PIP4K2B: variants seen among roughly 807,000 people sequenced by gnomAD.
PIP4K2B encodes the protein phosphatidylinositol-5-phosphate 4-kinase type 2 beta.
Under a neutral mutation model 42.0 loss-of-function variants are expected in PIP4K2B, and 3 were observed. The observed-to-expected ratio is 0.07, with a 90% confidence interval of 0.03 to 0.18. The LOEUF is 0.18. PIP4K2B is among the 10% of genes least tolerant of loss of function. The pLI is 1.00. For missense variants in PIP4K2B, 332 were observed against 562.3 expected (o/e 0.59, Z 4.14); for synonymous variants, 204 against 210.1 (o/e 0.97, Z 0.25).
At chr17:38,783,984 G>A (rs570110376) in intron 3 of PIP4K2B, among the ~76,000 whole-genome samples, 1 of 152,150 alleles carries the variant, frequency 6.6e-6, no homozygotes, top group Admixed American at 6.5e-5. Flanking sequence ...AGGTGCTTCC[G>A]CAGACCCCTC....
intron 7 of PIP4K2B, 102 bp from the exon 8 acceptor site, chr17:38,771,374 C>A (rs1054618450): frequency 7.4e-7 from 1 of 1,348,684 alleles, no homozygotes; most frequent in South Asian, 1.3e-5. Context: ...CAACTCAATT[C>A]TACAAACAGT....
chr17:38,792,666 C>A (rs1305689897), intron 1 of PIP4K2B: 1 of 152,186 alleles, frequency 6.6e-6, no homozygotes, highest in Non-Finnish European at 1.5e-5. Context: ...CTGGCCACCA[C>A]CAGCAATCAC....
chr17:38,774,709 G>A (rs1567653720), intron 7 of PIP4K2B, among the ~76,000 whole-genome samples: 1 of 151,900 alleles, frequency 6.6e-6, no homozygotes, highest in Non-Finnish European at 1.5e-5. Flanking sequence ...GGCGGAGCTT[G>A]CAGTGAGCCA....
intron 3 of PIP4K2B, among the ~76,000 whole-genome samples, chr17:38,783,127 A>G (rs1163833722): frequency 1.4e-5 from 2 of 144,050 alleles, no homozygotes; most frequent in African/African-American, 5.1e-5. Context: ...CCTGGGAGGC[A>G]GAGGTTGCAG....
chr17:38,797,827 C>A (rs770588007), intron 1 of PIP4K2B, among the ~76,000 whole-genome samples: 11 of 152,158 alleles, frequency 7.2e-5, no homozygotes, highest in Non-Finnish European at 1.5e-4. Flanking sequence ...ACCCCTGGGA[C>A]AGCAGGAAGA....
In PIP4K2B at chr17:38,799,267, G is replaced by A; in HGVS notation, c.158C>T (p.Thr53Met). The stretch of plus-strand genomic sequence containing the variant: ...GAGGGGCGCGCAGGAGCTGGTTACC[G>A]TGTGGTTCACCCCCCACATCAGGAC... ...LSVLMWGVNH[T>M]INELSNVPVP... is the part of the protein sequence containing the mutation. Residue 53 changes from threonine to methionine, a missense_variant and splice_region_variant, in exon 1 of 10, where the codon ACG (threonine) becomes ATG (methionine). Physicochemically the swap from Thr to Met is moderately conservative, Grantham distance 81. This residue lies in a region of PIP4K2B where 186 missense variants were observed against 288.4 expected (regional missense o/e 0.64). Transcript: ENST00000619039. The surrounding 1 kb of genome is among the most constrained non-coding windows in gnomAD (Gnocchi z 4.4). The A allele has an allele frequency of 6.3e-7, 1 of 1,596,104 alleles. No homozygotes were observed. Among genetic ancestry groups the A allele is most frequent in the Non-Finnish European group, 8.5e-7 (1 of 1,173,086 alleles).
intron 1 of PIP4K2B, among the ~76,000 whole-genome samples, chr17:38,795,561 G>A (rs1262531350): frequency 6.6e-6 from 1 of 152,044 alleles, no homozygotes; most frequent in East Asian, 1.9e-4. Flanking sequence ...GATCAGCCTG[G>A]ACAACATGGT....
chr17:38,796,807 A>G (rs766178461), intron 1 of PIP4K2B, among the ~76,000 whole-genome samples: 11 of 152,228 alleles, frequency 7.2e-5, no homozygotes, highest in Non-Finnish European at 1.6e-4. Context: ...GTGAGAAACT[A>G]AAGAAAAGGT....
At chr17:38,783,364 C>A (rs1415794650) in intron 3 of PIP4K2B, among the ~76,000 whole-genome samples, 1 of 152,122 alleles carries the variant, frequency 6.6e-6, no homozygotes, top group Non-Finnish European at 1.5e-5. Flanking sequence ...ATTCTAATGT[C>A]CCTGACACTG....
intron 7 of PIP4K2B, among the ~76,000 whole-genome samples, chr17:38,771,619 TGAA>T (rs1909048832): frequency 6.8e-6 from 1 of 146,812 alleles, no homozygotes. Flanking sequence ...AGACCCTCCC[TGAA>T]GAAAGGAGTT....
chr17:38,797,990 G>A (rs895196059), intron 1 of PIP4K2B, among the ~76,000 whole-genome samples: 2 of 152,082 alleles, frequency 1.3e-5, no homozygotes, highest in African/African-American at 4.8e-5. Context: ...AAACCACAGA[G>A]ACCTCAATTT....
At chr17:38,781,520 G>A (rs1909713541) in intron 3 of PIP4K2B, among the ~76,000 whole-genome samples, 1 of 152,046 alleles carries the variant, frequency 6.6e-6, no homozygotes, top group Non-Finnish European at 1.5e-5. Context: ...TGAGGATCCT[G>A]TTATTATTTT....
chr17:38,770,324 C>A (rs925903831), intron 9 of PIP4K2B, 112 bp downstream of exon 9: 1 of 704,278 alleles, frequency 1.4e-6, no homozygotes, highest in Non-Finnish European at 2.6e-6. Flanking sequence ...AAGAAGGAGA[C>A]AGGAGTGTGT....
chr17:38,768,978 TATTCCCCTCTGAGATCTCTG>T lies in PIP4K2B; in HGVS notation c.*693_*712del, dbSNP rs1469594013. On this transcript the variant is annotated 3_prime_UTR_variant, in exon 10 of 10. Transcript: ENST00000619039. ...CCTCACCATCCCATGAGGATGAACT[TATTCCCCTCTGAGATCTCTG>T]ATTCTGATCTGAGATCTCTGGTGTT... The T allele has an allele frequency of 1.3e-5, 2 of 152,616 alleles. No individual in the cohort carries two copies. Among genetic ancestry groups the T allele is most frequent in the African/African-American group, 4.8e-5 (2 of 41,438 alleles). 9.5% of individuals were successfully genotyped at this position (152,616 alleles called of 1,614,324 possible).
Position 38,766,348 on chromosome 17 carries a change from C to A in PIP4K2B, c.*3343G>T, listed in dbSNP as rs1055045097. On this transcript the variant is annotated 3_prime_UTR_variant, in exon 10 of 10. Transcript: ENST00000619039. ...ACGCACTGTCCCTTCTAGCCCCCAA[C>A]ACCTGAGTAACTCACATGCTGGGGT... 6.5e-6 allele frequency: 1 copy of A among 152,714 alleles called. No homozygotes were observed. The highest frequency in any genetic ancestry group is 1.5e-5 in the Non-Finnish European group (1 of 68,076). 9.5% of individuals were successfully genotyped at this position (152,714 alleles called of 1,614,324 possible).
intron 3 of PIP4K2B, 97 bp from the exon 4 acceptor site, chr17:38,780,701 A>T: frequency 8.1e-7 from 1 of 1,234,764 alleles, no homozygotes. Context: ...TTGAAAGCCA[A>T]CAACACTGAG....
In PIP4K2B at chr17:38,766,905, G is replaced by A. The variant is rs1908734620; in HGVS notation, c.*2786C>T. ...CCAGGGCACTCATCACTGTGGCTGG[G>A]AGACTACAGTGTCTCGGCTGCGGAC... On this transcript the variant is annotated 3_prime_UTR_variant, in exon 10 of 10. Transcript: ENST00000619039. 1.3e-5 allele frequency: 2 copies of A among 152,516 alleles called. No homozygotes were observed. The highest frequency in any genetic ancestry group is 2.9e-5 in the Non-Finnish European group (2 of 68,110). 9.4% of individuals were successfully genotyped at this position (152,516 alleles called of 1,614,324 possible).
At chr17:38,780,731 G>A (rs1251870199) in intron 3 of PIP4K2B, 127 bp from the exon 4 acceptor site, 1 of 832,312 alleles carries the variant, frequency 1.2e-6, no homozygotes, top group African/African-American at 1.7e-5. Context: ...CTCCCAGATG[G>A]GAGTTTACCC....
At chr17:38,788,735 G>C (rs58610461) in intron 1 of PIP4K2B, among the ~76,000 whole-genome samples, 8,771 of 151,990 alleles carry the variant, frequency 0.058, 889 homozygotes, top group African/African-American at 0.2. Context: ...CAGATCACCT[G>C]AGGTAAGGAG....
Sources: allele counts gnomAD v4.1 joint callset (sites outside exome capture counted in the v4.1 genomes callset), GRCh38; gene constraint gnomAD v4.1.1; regional missense constraint gnomAD v4.1.1; non-coding constraint Gnocchi (gnomAD v3.1); transcripts MANE v1.5; gene names NCBI Gene and HGNC (gene_info 2026-07-23, HGNC 2026-07-21).